STAU1: variants seen among roughly 807,000 people sequenced by gnomAD.
STAU1 encodes staufen double-stranded RNA binding protein 1.
A neutral mutation model predicts 62.9 loss-of-function variants in STAU1; 13 were observed. The observed-to-expected ratio is 0.21, with a 90% confidence interval of 0.13 to 0.33. The LOEUF (loss-of-function observed/expected upper bound fraction) is 0.33, where lower values mean the gene tolerates loss of function less well. Among genes scored for constraint, STAU1 ranks in the 10% least tolerant of loss-of-function variants. STAU1 has a pLI of 1.00. For missense variants in STAU1, 571 were observed against 712.1 expected (o/e 0.80, Z 2.25); for synonymous variants, 269 against 265.1 (o/e 1.01, Z -0.14).
chr20:49,158,822 G>C (rs572430963), intron 3 of STAU1: 1 of 667,440 alleles, frequency 1.5e-6, no homozygotes, highest in African/African-American at 1.9e-5. Flanking sequence ...AAAAAAAGCC[G>C]GGCGCGGTGG....
intron 2 of STAU1, among the ~76,000 whole-genome samples, chr20:49,169,387 TATAG>T (rs1297680398): frequency 6.6e-6 from 1 of 152,212 alleles, no homozygotes; most frequent in Non-Finnish European, 1.5e-5. Context: ...TCATTACTGA[TATAG>T]ATATAGTTCA....
chr20:49,139,491 G>A (rs536943610), intron 5 of STAU1, among the ~76,000 whole-genome samples: 100 of 152,246 alleles, frequency 6.6e-4, no homozygotes, highest in African/African-American at 2.2e-3. Context: ...TTGGGAGGCC[G>A]AAGCAGGTGG....
chr20:49,175,488 G>T (rs900620979), intron 1 of STAU1, among the ~76,000 whole-genome samples: 6 of 151,096 alleles, frequency 4.0e-5, no homozygotes, highest in Non-Finnish European at 8.9e-5. Context: ...GTTTGTTCAG[G>T]TTTTTTTTTG....
chr20:49,151,811 T>G, intron 4 of STAU1, 64 bp from the exon 5 acceptor site: 4 of 1,426,428 alleles, frequency 2.8e-6, no homozygotes, highest in Non-Finnish European at 1.9e-6. Flanking sequence ...ATACACTCTC[T>G]GGCAAATGCA....
At chr20:49,172,979 G>A (rs754545893) in intron 2 of STAU1, among the ~76,000 whole-genome samples, 7 of 130,240 alleles carry the variant, frequency 5.4e-5, no homozygotes, top group South Asian at 2.5e-4. Context: ...CCGGGTTCAC[G>A]CCATTCTCCC....
chr20:49,169,264 TAGCACCCAAAC>T (rs1330139347), intron 2 of STAU1, among the ~76,000 whole-genome samples: 1 of 152,160 alleles, frequency 6.6e-6, no homozygotes. Context: ...GCTAATGTTT[TAGCACCCAAAC>T]AGATGCTCCT....
intron 5 of STAU1, among the ~76,000 whole-genome samples, chr20:49,143,906 A>G (rs1231256889): frequency 6.6e-6 from 1 of 152,214 alleles, no homozygotes; most frequent in South Asian, 2.1e-4. Context: ...CACCTGATGC[A>G]CCTGCAGCTG....
At chr20:49,145,600 C>T (rs1394041298) in intron 5 of STAU1, among the ~76,000 whole-genome samples, 1 of 151,502 alleles carries the variant, frequency 6.6e-6, no homozygotes, top group African/African-American at 2.4e-5. Context: ...TGTGGTGGCA[C>T]ATGCCTGTAA....
At chr20:49,129,809 G>T (rs1163149208) in intron 6 of STAU1, among the ~76,000 whole-genome samples, 1 of 151,696 alleles carries the variant, frequency 6.6e-6, no homozygotes, top group Non-Finnish European at 1.5e-5. Flanking sequence ...TGTATTTTTA[G>T]TAGAGACGAG....
At chr20:49,194,723 C>T in the STAU1 span, among the ~76,000 whole-genome samples, 2 of 152,146 alleles carry the variant, frequency 1.3e-5, no homozygotes, top group East Asian at 1.9e-4. Context: ...GGATTACAGG[C>T]GCACACCACT....
At position 49,117,230 on chromosome 20, in the gene STAU1, G is replaced by A; in HGVS notation, c.1528C>T (p.Pro510Ser). 6.2e-7 allele frequency: 1 copy of A among 1,614,176 alleles called. No homozygotes were observed. The highest frequency in any genetic ancestry group is 8.5e-7 in the Non-Finnish European group (1 of 1,180,030). ...ACAAATTCGTTCTTGTTGTTTTTGG[G>A]GAAGTCTTTGTATTCAACCTAAGGG... ...QGFQVEYKDF[P>S]KNNKNEFVSL... is the part of the protein sequence containing the mutation. Residue 510 changes from proline (P) to serine (S), a missense_variant, in exon 12 of 14, where the codon CCC becomes TCC. Transcript: ENST00000371856. This position sits in a 1 kb window ranked among gnomAD's most constrained non-coding sequence, Gnocchi z 4.6.
intron 3 of STAU1, chr20:49,158,526 T>C (rs1168988238): frequency 7.7e-6 from 10 of 1,302,080 alleles, no homozygotes; most frequent in Non-Finnish European, 9.1e-6. Flanking sequence ...GAATCCTTTA[T>C]TGGCCAGGTG....
chr20:49,165,354 T>C (rs1040154312), intron 3 of STAU1, among the ~76,000 whole-genome samples: 12 of 146,740 alleles, frequency 8.2e-5, no homozygotes, highest in Non-Finnish European at 1.8e-4. Context: ...ATTTTTTCTT[T>C]TTTTGAGACA....
chr20:49,134,051 T>C (rs13037813), intron 6 of STAU1, among the ~76,000 whole-genome samples: 31,897 of 152,072 alleles, frequency 0.21, 3,425 homozygotes, highest in Non-Finnish European at 0.23. Flanking sequence ...TTTTAAGAAA[T>C]AAGCCATAAT....
At chr20:49,120,214 A>C in intron 8 of STAU1, 86 bp from the exon 9 acceptor site, 1 of 1,468,914 alleles carries the variant, frequency 6.8e-7, no homozygotes, top group South Asian at 1.3e-5. Context: ...CAAAATAACC[A>C]ACTATGGTCA....
rs544627768 is a variant in STAU1 at position 49,177,601 on chromosome 20, T to C, written c.-159-3332A>G. Among the ~76,000 whole-genome samples the C allele has an allele frequency of 1.4e-4, 21 of 151,586 alleles. 2 individuals are homozygous for C. In the South Asian group the frequency reaches 4.2e-3, roughly 30 times the overall value. On this transcript the variant is annotated intron_variant, in intron 1 of 13. Transcript: ENST00000371856. ...GGCTGAGGCAGGAGACTGGCATGAA[T>C]TCAGGAGGCGGAGCTTGCAGTGAGC...
chr20:49,139,283 G>A (rs2092956387), intron 5 of STAU1, among the ~76,000 whole-genome samples: 1 of 152,174 alleles, frequency 6.6e-6, no homozygotes, highest in African/African-American at 2.4e-5. Context: ...ACTATCAAGA[G>A]AGTGAAGAAA....
At chr20:49,217,640 G>C in the STAU1 span, among the ~76,000 whole-genome samples, 2 of 148,646 alleles carry the variant, frequency 1.3e-5, no homozygotes, top group African/African-American at 2.4e-5. Context: ...AGGCTGTGTG[G>C]CTCCAAAGCC....
intron 3 of STAU1, among the ~76,000 whole-genome samples, chr20:49,155,263 C>T (rs1190749754): frequency 6.6e-6 from 1 of 152,148 alleles, no homozygotes; most frequent in African/African-American, 2.4e-5. Flanking sequence ...CAGGTATTTC[C>T]ATTCTTGACA....
Sources: allele counts gnomAD v4.1 joint callset (sites outside exome capture counted in the v4.1 genomes callset), GRCh38; gene constraint gnomAD v4.1.1; non-coding constraint Gnocchi (gnomAD v3.1); transcripts MANE v1.5; gene names NCBI Gene and HGNC (gene_info 2026-07-23, HGNC 2026-07-21).